CFAP47: variants seen among roughly 807,000 people sequenced by gnomAD.
CFAP47 encodes cilia and flagella associated protein 47, also known as cilia- and flagella-associated protein 47.
Under a neutral mutation model 148.1 loss-of-function variants are expected in CFAP47, and 29 were observed. The ratio of observed to expected loss-of-function variants is 0.20; its 90% confidence interval spans 0.15 to 0.27. The LOEUF (loss-of-function observed/expected upper bound fraction) is 0.27, where lower values mean the gene tolerates loss of function less well. Among genes scored for constraint, CFAP47 ranks in the 10% least tolerant of loss-of-function variants. The pLI, the probability that CFAP47 is intolerant of heterozygous loss-of-function variation, is 1.00. For synonymous variants in CFAP47, 664 were observed against 577.3 expected (o/e 1.15, Z -2.15); for missense variants, 1,872 against 1,697.5 (o/e 1.10, Z -1.81).
chrX:35,997,342 C>T lies in CFAP47; in HGVS notation c.3130C>T (p.Leu1044Phe), dbSNP rs1159809128. 3.4e-6 allele frequency: 1 copy of T among 293,263 alleles called. No homozygotes were observed. The highest frequency in any genetic ancestry group is 2.8e-5 in the African/African-American group (1 of 36,174). 24.2% of individuals were successfully genotyped at this position (293,263 alleles called of 1,213,427 possible). A position where few individuals can be genotyped will look rare whatever the true frequency, so the allele number is the denominator to read the frequency against. Reference protein sequence around the residue: ...VSIRHANVIDLRIGGSAEIAD... With the variant: ...VSIRHANVIDFRIGGSAEIAD... ...TATTCGTCATGCGAATGTTATAGAC[C>T]TTAGGATTGGTGGATCTGCTGAAAT... is the stretch of plus-strand genomic sequence containing the variant. The change falls in exon 19 of 64, where the codon CTT (leucine) becomes TTT (phenylalanine). Residue 1044 changes from leucine to phenylalanine, a missense_variant. Coordinates refer to ENST00000378653, the MANE Select transcript of CFAP47 (RefSeq NM_001304548.2).
At chrX:36,160,988 CA>C (rs1939423492) in intron 39 of CFAP47, among the ~76,000 whole-genome samples, 1 of 109,023 alleles carries the variant, frequency 9.2e-6, no homozygotes, top group Non-Finnish European at 1.9e-5. Context: ...GCTGGGACTA[CA>C]GGGGTGCCCC....
At chrX:36,018,024 G>A (rs534783261) in intron 22 of CFAP47, among the ~76,000 whole-genome samples, 6 of 109,715 alleles carry the variant, frequency 5.5e-5, no homozygotes, top group South Asian at 4.0e-4. Flanking sequence ...TTTTTTTGGC[G>A]TCCTCTTCAA....
chrX:36,347,261 A>G (rs6632578), intron 57 of CFAP47, among the ~76,000 whole-genome samples: 31,369 of 110,734 alleles, frequency 0.28, 4,757 homozygotes, highest in African/African-American at 0.59. Flanking sequence ...TTAGAATGGC[A>G]ATCATTAAAA....
chrX:35,959,239 T>TA (rs929645803), intron 8 of CFAP47, among the ~76,000 whole-genome samples: 41 of 112,318 alleles, frequency 3.7e-4, no homozygotes, highest in Non-Finnish European at 6.2e-4. Context: ...GTCTTTTTTT[T>TA]ATGGAATTGC....
chrX:36,098,715 T>G, intron 30 of CFAP47, 78 bp from the exon 31 acceptor site: 1 of 458,288 alleles, frequency 2.2e-6, no homozygotes, highest in Non-Finnish European at 3.5e-6. Flanking sequence ...CTTGAAATAT[T>G]TAATTGATGG....
intron 39 of CFAP47, among the ~76,000 whole-genome samples, chrX:36,165,263 G>T (rs998166625): frequency 9.0e-6 from 1 of 111,334 alleles, no homozygotes; most frequent in Non-Finnish European, 1.9e-5. Context: ...CATTTAGTTT[G>T]CTATATTGTA....
chrX:35,941,709 G>A (rs531328809), intron 3 of CFAP47, among the ~76,000 whole-genome samples: 62 of 111,396 alleles, frequency 5.6e-4, no homozygotes, highest in African/African-American at 1.9e-3. Context: ...CGCCTTATTA[G>A]TTGTGTGATC....
intron 33 of CFAP47, among the ~76,000 whole-genome samples, chrX:36,118,194 A>G (rs1938674660): frequency 9.0e-6 from 1 of 111,362 alleles, no homozygotes. Context: ...AGTTTTGTTC[A>G]TTTTGTTTAG....
At chrX:35,989,575 T>A in intron 16 of CFAP47, 126 bp downstream of exon 16, 1 of 1,170,039 alleles carries the variant, frequency 8.5e-7, no homozygotes, top group Non-Finnish European at 1.1e-6. Context: ...GCAACAGTAC[T>A]AGTTTTTTTG....
intron 15 of CFAP47, among the ~76,000 whole-genome samples, chrX:35,988,184 A>G (rs1453360302): frequency 6.3e-5 from 7 of 111,866 alleles, no homozygotes; most frequent in Non-Finnish European, 1.3e-4. Flanking sequence ...CTGGTCTTTG[A>G]AGGCATTGTC....
At chrX:35,927,997 T>TTATATATATATATATATATATGTATA (rs146298634) in intron 2 of CFAP47, among the ~76,000 whole-genome samples, 9 of 102,967 alleles carry the variant, frequency 8.7e-5, no homozygotes, top group African/African-American at 3.2e-4. Flanking sequence ...GTATTCTATT[T>TTATATATATATATATATATATGTATA]TATATATATA....
chrX:36,327,736 G>T (rs928212749), intron 57 of CFAP47, among the ~76,000 whole-genome samples: 1 of 111,522 alleles, frequency 9.0e-6, no homozygotes, highest in African/African-American at 3.3e-5. Context: ...ATCAACCGTG[G>T]ACTGAAAAAA....
At chrX:36,027,126 G>T (rs1297480502) in intron 22 of CFAP47, among the ~76,000 whole-genome samples, 1 of 101,910 alleles carries the variant, frequency 9.8e-6, no homozygotes, top group Non-Finnish European at 2.0e-5. Context: ...ATATATATAT[G>T]ATTATATATA....
At chrX:36,235,076 C>G (rs1289772665) in intron 46 of CFAP47, among the ~76,000 whole-genome samples, 1 of 111,381 alleles carries the variant, frequency 9.0e-6, no homozygotes, top group East Asian at 2.8e-4. Flanking sequence ...GTCAGGGACG[C>G]ACTTGAGGAG....
At chrX:36,099,342 A>T (rs1938333498) in intron 31 of CFAP47, among the ~76,000 whole-genome samples, 1 of 109,836 alleles carries the variant, frequency 9.1e-6, no homozygotes, top group African/African-American at 3.3e-5. Context: ...AGGAGTCTGC[A>T]GGCTTTGAGG....
At chrX:36,310,337 CGAT>C (rs1472723418) in intron 55 of CFAP47, among the ~76,000 whole-genome samples, 94 of 110,813 alleles carry the variant, frequency 8.5e-4, no homozygotes, top group Non-Finnish European at 1.6e-3. Context: ...GCACTGGACT[CGAT>C]GATGGAGATA....
intron 33 of CFAP47, among the ~76,000 whole-genome samples, chrX:36,119,318 G>A (rs186071766): frequency 4.8e-4 from 53 of 111,559 alleles, no homozygotes; most frequent in African/African-American, 1.6e-3. Flanking sequence ...CAATTGAAAT[G>A]GTATTTTTTT....
At chrX:36,341,006 A>G (rs1556015646) in intron 57 of CFAP47, among the ~76,000 whole-genome samples, 2 of 107,841 alleles carry the variant, frequency 1.9e-5, no homozygotes, top group African/African-American at 6.8e-5. Context: ...TAATAGTACT[A>G]CTTATGGTGC....
At chrX:36,036,842 A>G (rs1937344417) in intron 24 of CFAP47, among the ~76,000 whole-genome samples, 1 of 111,604 alleles carries the variant, frequency 9.0e-6, no homozygotes, top group Admixed American at 9.6e-5. Flanking sequence ...ATAATATTCT[A>G]TTAGCACTGT....
Sources: gnomAD v4.1 joint callset for allele counts (sites outside exome capture counted in the v4.1 genomes callset) on GRCh38, gnomAD v4.1.1 for gene constraint, MANE v1.5 for transcripts, NCBI Gene and HGNC (gene_info 2026-07-23, HGNC 2026-07-21) for gene names.